The following UGDH variants were observed in gnomAD, a reference collection of about 807,000 sequenced individuals.
UGDH encodes UDP-Glc dehydrogenase.
Under a neutral mutation model 50.6 loss-of-function variants are expected in UGDH, and 38 were observed. The observed-to-expected ratio is 0.75, with a 90% confidence interval of 0.58 to 0.98. UGDH has a LOEUF of 0.98. Ranked by LOEUF, UGDH falls within the 50% of genes least tolerant of loss-of-function variation. The pLI is 0.00. For synonymous variants in UGDH, 168 were observed against 199.9 expected, an observed-to-expected ratio of 0.84 and a Z score of 1.35; for missense variants, 465 against 606.2, an observed-to-expected ratio of 0.77 and a Z score of 2.45.
rs1055382861 is a variant in UGDH at position 39,525,855 on chromosome 4, G to A, written c.-8+1428C>T. ...TATGTACCCTCTGGCCCTCTATTCT[G>A]CTGTCAGAGACATAGGAGTGTTTCC... is the stretch of plus-strand genomic sequence containing the variant. On this transcript the variant is annotated intron_variant, in intron 1 of 11. Transcript: ENST00000316423. Among the ~76,000 whole-genome samples the A allele has an allele frequency of 5.3e-5, 8 of 152,302 alleles. No homozygotes were observed. The East Asian group carries it at 1.5e-3, about 29-fold the overall frequency.
rs200180865 is a variant in UGDH, at chr4:39,510,407, A to G, written c.609T>C (p.Val203=). The G allele has an allele frequency of 2.9e-5, 47 of 1,614,204 alleles. No individual in the cohort carries two copies. The highest frequency in any genetic ancestry group is 3.6e-5 in the Non-Finnish European group (42 of 1,180,040). ...TAGTGGTGAGGATCTTTTCTCTGGGAACCCAGTGCTCATATACAGCACACA... is the reference window on the plus strand; with the variant it reads ...TAGTGGTGAGGATCTTTTCTCTGGGGACCCAGTGCTCATATACAGCACACA... ...QALCAVYEHW[V]PREKILTTNT... Residue 203 remains valine, a synonymous_variant, in exon 5 of 12, where the codon GTT becomes GTC. Transcript: ENST00000316423.
rs71645104 is a variant in UGDH, at chr4:39,509,910, TA to T, written c.664-4del. 12,389 of 1,331,694 alleles carry T rather than the reference TA, an allele frequency of 9.3e-3. 4 individuals carry two copies. Among genetic ancestry groups the T allele is most frequent in the South Asian group, 0.016 (1,161 of 72,356 alleles). The allele number at this position is 1,331,694 out of a possible 1,614,324, so 82.5% of individuals were successfully genotyped here. On this transcript the variant is annotated splice_polypyrimidine_tract_variant and splice_region_variant and intron_variant, in intron 5 of 11. Coordinates refer to ENST00000316423, the MANE Select transcript of UGDH (RefSeq NM_003359.4). ...TGGGCAAGAAAAGCATTTGCTGCCT[TA>T]AAAAAAAAAAACATAGAGAAGAGTA...
chr4:39,501,566 C>T (rs561412533), intron 11 of UGDH, among the ~76,000 whole-genome samples: 6 of 152,312 alleles, frequency 3.9e-5, no homozygotes, highest in African/African-American at 1.4e-4. Flanking sequence ...AGCCACCGCA[C>T]CCGGCCAGCA....
Position 39,511,869 on chromosome 4 carries a change from G to A in UGDH, c.265-1008C>T, listed in dbSNP as rs925178435. 5.5e-4 allele frequency among the ~76,000 whole-genome samples: 83 copies of A among 151,020 alleles called. 1 individual carries two copies. Among genetic ancestry groups the A allele is most frequent in the Admixed American group, 4.6e-4 (7 of 15,102 alleles). ...GGATTACAAGTGCGCCACCACACCC[G>A]CCTAATTTTTGTATTTTTAGACGGG... is the stretch of plus-strand genomic sequence containing the variant. On this transcript the variant is annotated intron_variant, in intron 3 of 11. Coordinates refer to ENST00000316423, the MANE Select transcript of UGDH (RefSeq NM_003359.4).
At position 39,500,193 on chromosome 4, in the gene UGDH, T is replaced by A. The variant is rs1279344897; in HGVS notation, c.1435A>T (p.Ile479Phe). ...GGATCTTGAAGACTAAACTTCGGAA[T>A]TTCACCAGAAGGAGCATATGGAATT... is the stretch of plus-strand genomic sequence containing the variant. ...KRIPYAPSGE[I>F]PKFSLQDPPN... The change falls in exon 12 of 12, where the codon ATT becomes TTT. Residue 479 changes from isoleucine (I) to phenylalanine (F), a missense_variant. Transcript: ENST00000316423. The A allele has an allele frequency of 3.1e-6, 5 of 1,607,108 alleles. No individual in the cohort carries two copies.
chr4:39,511,963 A>G (rs530057058), intron 3 of UGDH, among the ~76,000 whole-genome samples: 1 of 151,696 alleles, frequency 6.6e-6, no homozygotes, highest in Admixed American at 6.6e-5. Context: ...TCAGCCTCCC[A>G]AAGTACTAGG....
At chr4:39,524,830 T>G (rs982870913) in intron 1 of UGDH, among the ~76,000 whole-genome samples, 1 of 152,140 alleles carries the variant, frequency 6.6e-6, no homozygotes, top group African/African-American at 2.4e-5. Flanking sequence ...TTGAGTTACC[T>G]AAAGAACTTC....
At chr4:39,517,380 T>C (rs978428638) in intron 2 of UGDH, among the ~76,000 whole-genome samples, 1 of 152,000 alleles carries the variant, frequency 6.6e-6, no homozygotes, top group Non-Finnish European at 1.5e-5. Flanking sequence ...TTTTTTTTTG[T>C]ATTTTTTTAA....
intron 3 of UGDH, among the ~76,000 whole-genome samples, chr4:39,511,859 C>T (rs186075506): frequency 2.0e-5 from 3 of 151,548 alleles, no homozygotes; most frequent in Non-Finnish European, 4.4e-5. Context: ...ACAAGTGCGC[C>T]ACCACACCCG....
At chr4:39,511,190 T>C (rs1746230710) in intron 3 of UGDH, among the ~76,000 whole-genome samples, 1 of 152,098 alleles carries the variant, frequency 6.6e-6, no homozygotes, top group African/African-American at 2.4e-5. Context: ...TGAAATGAAA[T>C]GTAAGCCTTT....
chr4:39,504,370 G>A, intron 10 of UGDH, 47 bp downstream of exon 10: 1 of 1,558,472 alleles, frequency 6.4e-7, no homozygotes, highest in Non-Finnish European at 8.8e-7. Flanking sequence ...CCAGCTGATA[G>A]TGGAACACCT....
In UGDH at chr4:39,504,528, A is replaced by C. The variant is rs770417251; in HGVS notation, c.1172-20T>G. On this transcript the variant is annotated intron_variant, in intron 9 of 11. Coordinates refer to ENST00000316423, the MANE Select transcript of UGDH (RefSeq NM_003359.4). The stretch of plus-strand genomic sequence containing the variant: ...GGGACACTGTAACAATAGCAACAAC[A>C]AAAAAACAGAAATAAGAAAGGAGTT... 1 of 1,595,782 alleles carries C rather than the reference A, an allele frequency of 6.3e-7. No homozygotes were observed. Among genetic ancestry groups the C allele is most frequent in the Non-Finnish European group, 8.6e-7 (1 of 1,165,706 alleles).
intron 11 of UGDH, among the ~76,000 whole-genome samples, chr4:39,502,172 C>T (rs1745843931): frequency 6.6e-6 from 1 of 152,062 alleles, no homozygotes; most frequent in African/African-American, 2.4e-5. Context: ...TGTGTCTATG[C>T]CTTGCAAATA....
chr4:39,521,601 T>C, intron 1 of UGDH, 82 bp from the exon 2 acceptor site: 3 of 1,162,650 alleles, frequency 2.6e-6, no homozygotes, highest in Non-Finnish European at 3.4e-6. Context: ...TTATACTTTA[T>C]AAAAACTGTC....
intron 6 of UGDH, 136 bp downstream of exon 6, chr4:39,509,624 T>TA: frequency 9.5e-7 from 1 of 1,056,484 alleles, no homozygotes; most frequent in Non-Finnish European, 1.3e-6. Context: ...GAATCATCTC[T>TA]AAAAAAGAAA....
At chr4:39,521,574 A>G (rs1746664199) in intron 1 of UGDH, 55 bp from the exon 2 acceptor site, 1 of 1,368,314 alleles carries the variant, frequency 7.3e-7, no homozygotes, top group Non-Finnish European at 9.7e-7. Context: ...ATTTAAAGAA[A>G]TAATATTGTA....
chr4:39,509,628 A>G (rs1344096126), intron 6 of UGDH, 132 bp downstream of exon 6: 2 of 1,083,122 alleles, frequency 1.8e-6, no homozygotes, highest in South Asian at 2.0e-5. Flanking sequence ...CATCTCTAAA[A>G]AAGAAAATAA....
At position 39,520,975 on chromosome 4, in the gene UGDH, A is replaced by C. The variant is rs188117266; in HGVS notation, c.162+376T>G. Among the ~76,000 whole-genome samples, 636 of 148,314 alleles carry C rather than the reference A, an allele frequency of 4.3e-3. 4 individuals are homozygous for C. The highest frequency in any genetic ancestry group is 0.015 in the African/African-American group (608 of 39,978). ...GTAATCCCAGCTACTCAAGAGGCTGAGGCAGAATTGTTTGAACCCGTGAGG... is the reference window on the plus strand; with the variant it reads ...GTAATCCCAGCTACTCAAGAGGCTGCGGCAGAATTGTTTGAACCCGTGAGG... On this transcript the variant is annotated intron_variant, in intron 2 of 11. Coordinates refer to ENST00000316423, the MANE Select transcript of UGDH (RefSeq NM_003359.4).
At chr4:39,503,238 C>T (rs968035013) in intron 11 of UGDH, among the ~76,000 whole-genome samples, 6 of 151,932 alleles carry the variant, frequency 3.9e-5, no homozygotes, top group East Asian at 1.9e-4. Flanking sequence ...TTAATAGACA[C>T]GGGGTTTCAC....
Sources: allele counts gnomAD v4.1 joint callset (sites outside exome capture counted in the v4.1 genomes callset), GRCh38; gene constraint gnomAD v4.1.1; transcripts MANE v1.5; gene names NCBI Gene and HGNC (gene_info 2026-07-23, HGNC 2026-07-21).